The following LINGO3 variants were observed in gnomAD, a reference collection of about 807,000 sequenced individuals.
LINGO3 encodes leucine-rich repeat and immunoglobulin-like domain-containing nogo receptor-interacting protein 3.
For synonymous variants in LINGO3, 427 were observed against 444.2 expected (o/e 0.96, Z 0.49); for missense variants, 750 against 867.7 (o/e 0.86, Z 1.70).
At chr19:2,304,546 G>C in the LINGO3 span, among the ~76,000 whole-genome samples, 98 of 150,940 alleles carry the variant, frequency 6.5e-4, no homozygotes, top group Non-Finnish European at 1.3e-3. Context: ...AGAGGAGGCG[G>C]GAGGGTGAAA....
upstream of LINGO3, among the ~76,000 whole-genome samples, chr19:2,292,859 G>C (rs537437783): frequency 6.6e-6 from 1 of 152,148 alleles, no homozygotes; most frequent in South Asian, 2.1e-4. Flanking sequence ...ATTCACAGCC[G>C]CATCTGTAAC....
the LINGO3 span, among the ~76,000 whole-genome samples, chr19:2,300,397 C>G: frequency 1.3e-5 from 2 of 151,870 alleles, no homozygotes; most frequent in African/African-American, 2.4e-5. Flanking sequence ...TGGGGGAAGG[C>G]GACACTTTCA....
chr19:2,307,171 C>T, the LINGO3 span, among the ~76,000 whole-genome samples: 4 of 152,194 alleles, frequency 2.6e-5, no homozygotes, highest in Non-Finnish European at 4.4e-5. Context: ...CCACCCCCGC[C>T]GGAGCAAGGG....
At chr19:2,297,129 A>G in the LINGO3 span, among the ~76,000 whole-genome samples, 3 of 151,454 alleles carry the variant, frequency 2.0e-5, no homozygotes, top group African/African-American at 4.8e-5. Flanking sequence ...AAGTAAACCT[A>G]CCCACAGCTC....
chr19:2,296,960 C>T (rs903780319), upstream of LINGO3, among the ~76,000 whole-genome samples: 18 of 151,348 alleles, frequency 1.2e-4, no homozygotes, highest in African/African-American at 2.9e-4. Context: ...GGCGTGGTGG[C>T]GGGCGCCCGT....
Position 2,290,091 on chromosome 19 carries a change from G to GC in LINGO3, c.1685_1686insG (p.Asn562LysfsTer99), listed in dbSNP as rs770323154. 1 of 1,596,284 alleles carries GC rather than the reference G, an allele frequency of 6.3e-7. No individual in the cohort carries two copies. The highest frequency in any genetic ancestry group is 8.5e-7 in the Non-Finnish European group (1 of 1,172,272). ...TGCGGAAGGAGTACTCCACCGAGAA[G>GC]TTGTTTTTGTGCTGCCCGCGGCCGC... is the stretch of plus-strand genomic sequence containing the variant. On this transcript the variant is annotated frameshift_variant, in exon 1 of 1. Transcript: ENST00000585527. LOFTEE classifies it low-confidence loss of function (END_TRUNC). The surrounding 1 kb of genome is among the most constrained non-coding windows in gnomAD (Gnocchi z 6.0).
the LINGO3 span, among the ~76,000 whole-genome samples, chr19:2,307,792 T>C: frequency 6.6e-6 from 1 of 151,762 alleles, no homozygotes; most frequent in Non-Finnish European, 1.5e-5. Context: ...CCTCCCAGCG[T>C]CCCCAGTGCC....
chr19:2,292,095 G>A (rs963785524), upstream of LINGO3: 24 of 356,814 alleles, frequency 6.7e-5, no homozygotes, highest in African/African-American at 5.0e-4. Flanking sequence ...GGCTGAGGCA[G>A]GAGGATGGCT....
the LINGO3 span, among the ~76,000 whole-genome samples, chr19:2,299,100 G>T: frequency 2.0e-5 from 3 of 152,164 alleles, no homozygotes; most frequent in Non-Finnish European, 4.4e-5. Flanking sequence ...ATTACTCCTG[G>T]GATGAGAGGA....
Position 2,290,414 on chromosome 19 carries a change from C to T in LINGO3, c.1363G>A (p.Gly455Ser). 1.4e-6 allele frequency: 2 copies of T among 1,424,196 alleles called. No individual in the cohort carries two copies. Among genetic ancestry groups the T allele is most frequent in the East Asian group, 3.0e-5 (1 of 33,658 alleles). 88.2% of individuals were successfully genotyped at this position (1,424,196 alleles called of 1,614,324 possible). Residue 455 changes from glycine to serine, a missense_variant, in exon 1 of 1, where the codon GGC (glycine) becomes AGC (serine). Coordinates refer to ENST00000585527, the Ensembl canonical transcript of LINGO3. This position sits in a 1 kb window ranked among gnomAD's most constrained non-coding sequence, Gnocchi z 6.0. ...CCCCCGGGGAGCACGCGCGCCCGGCCCGCGCTGGTGGCCGTCACCGGCCGG... is the reference window on the plus strand; with the variant it reads ...CCCCCGGGGAGCACGCGCGCCCGGCTCGCGCTGGTGGCCGTCACCGGCCGG...
At chr19:2,289,214 T>C (rs1272211780), downstream of LINGO3, among the ~76,000 whole-genome samples, 1 of 149,838 alleles carries the variant, frequency 6.7e-6, no homozygotes, top group Non-Finnish European at 1.5e-5. Flanking sequence ...GTGTGAGCTG[T>C]GTTTCCCGGG....
rs1446120624 is a variant in LINGO3, at chr19:2,290,811, C to T, written c.966G>A (p.Leu322=). 1 of 1,612,596 alleles carries T rather than the reference C, an allele frequency of 6.2e-7. No homozygotes were observed. The highest frequency in any genetic ancestry group is 8.5e-7 in the Non-Finnish European group (1 of 1,179,636). ...AGAGCAGGTTGTTGGAGAGGTTGAG[C>T]AGGCGGATCTGGCGCAGGCCCAGGA... Residue 322 remains leucine, a synonymous_variant, in exon 1 of 1, where the codon CTG becomes CTA. Coordinates refer to ENST00000585527, the Ensembl canonical transcript of LINGO3. The surrounding 1 kb of genome is among the most constrained non-coding windows in gnomAD (Gnocchi z 6.0).
rs1273386305 is a variant in LINGO3, at chr19:2,290,457, G to C, written c.1320C>G (p.Ala440=). 7.6e-6 allele frequency: 11 copies of C among 1,453,174 alleles called. No homozygotes were observed. The highest frequency in any genetic ancestry group is 9.9e-6 in the Non-Finnish European group (11 of 1,109,706). 90.0% of individuals were successfully genotyped at this position (1,453,174 alleles called of 1,614,324 possible). The change falls in exon 1 of 1, where the codon GCC becomes GCG. Residue 440 remains alanine (A), a synonymous_variant. Coordinates refer to ENST00000585527, the Ensembl canonical transcript of LINGO3. This position sits in a 1 kb window ranked among gnomAD's most constrained non-coding sequence, Gnocchi z 6.0. ...CCGGCCGGTGCTGGGGGGTCACCCA[G>C]GCCACGGTGGGCGCCGGCTCGCCCT...
At chr19:2,304,710 C>CTTTTTTTTTT in the LINGO3 span, among the ~76,000 whole-genome samples, 3 of 73,212 alleles carry the variant, frequency 4.1e-5, no homozygotes, top group Non-Finnish European at 5.0e-5. Context: ...CCATGTCCTG[C>CTTTTTTTTTT]TTTTTTTTTT....
chr19:2,289,235 G>A (rs1405026890), downstream of LINGO3, among the ~76,000 whole-genome samples: 1 of 150,248 alleles, frequency 6.7e-6, no homozygotes, highest in Non-Finnish European at 1.5e-5. Context: ...TGTAAGCTGT[G>A]TGTCCCGGGT....
chr19:2,302,649 G>C, the LINGO3 span, among the ~76,000 whole-genome samples: 1 of 152,224 alleles, frequency 6.6e-6, no homozygotes, highest in Admixed American at 6.5e-5. Context: ...GGTGAGCTCT[G>C]CTGCCCGGTC....
chr19:2,296,658 T>C (rs1276636117), upstream of LINGO3, among the ~76,000 whole-genome samples: 1 of 151,904 alleles, frequency 6.6e-6, no homozygotes, highest in African/African-American at 2.4e-5. Flanking sequence ...TTTGTATTTT[T>C]AGTAGAGACG....
At chr19:2,306,621 G>T in the LINGO3 span, among the ~76,000 whole-genome samples, 1 of 152,226 alleles carries the variant, frequency 6.6e-6, no homozygotes, top group Non-Finnish European at 1.5e-5. Flanking sequence ...GCACCACACT[G>T]CAGCCGAGGT....
At chr19:2,303,196 A>T in the LINGO3 span, among the ~76,000 whole-genome samples, 1 of 152,150 alleles carries the variant, frequency 6.6e-6, no homozygotes, top group African/African-American at 2.4e-5. Flanking sequence ...GCCCGTCTGG[A>T]CATCTCGCAT....
Sources: allele counts gnomAD v4.1 joint callset (sites outside exome capture counted in the v4.1 genomes callset), GRCh38; gene constraint gnomAD v4.1.1; non-coding constraint Gnocchi (gnomAD v3.1); transcripts MANE v1.5; gene names NCBI Gene and HGNC (gene_info 2026-07-23, HGNC 2026-07-21).